Variants in RYR2 observed in about 807,000 individuals in gnomAD.
RYR2 encodes the protein ryanodine receptor 2, also known as cardiac muscle ryanodine receptor-calcium release channel.
Under a neutral mutation model 601.1 loss-of-function variants are expected in RYR2, and 227 were observed. The ratio of observed to expected loss-of-function variants is 0.38; its 90% CI spans 0.34 to 0.42. RYR2 has a LOEUF of 0.42. Ranked by LOEUF, RYR2 falls within the 10% of genes least tolerant of loss-of-function variation. RYR2 has a pLI of 1.00. For missense variants in RYR2, 4,646 were observed against 6,156.5 expected (o/e 0.75, Z 8.21); for synonymous variants, 2,223 against 2,175.1 (o/e 1.02, Z -0.61).
intron 48 of RYR2, among the ~76,000 whole-genome samples, chr1:237,643,901 A>C (rs903363365): frequency 6.6e-6 from 1 of 152,178 alleles, no homozygotes; most frequent in Non-Finnish European, 1.5e-5. Flanking sequence ...GGTGTGAGCC[A>C]CCGCATCCAG....
chr1:237,394,661 C>T (rs1195589248), intron 10 of RYR2, among the ~76,000 whole-genome samples: 1 of 152,208 alleles, frequency 6.6e-6, no homozygotes, highest in Admixed American at 6.5e-5. Flanking sequence ...ATCACCTCAA[C>T]TCAATTCTTT....
chr1:237,589,679 C>T (rs1387527913), intron 29 of RYR2, 114 bp from the exon 30 acceptor site: 15 of 914,670 alleles, frequency 1.6e-5, no homozygotes, highest in Non-Finnish European at 2.2e-5. Flanking sequence ...ACTTTTTTCA[C>T]CCTAGGGTGA....
intron 10 of RYR2, among the ~76,000 whole-genome samples, chr1:237,415,044 C>T (rs1704826141): frequency 2.0e-5 from 3 of 152,022 alleles, no homozygotes; most frequent in African/African-American, 4.8e-5. Flanking sequence ...CTACTGGTGG[C>T]ATTTAGTTGG....
chr1:237,105,041 C>T (rs1014944961), intron 1 of RYR2, among the ~76,000 whole-genome samples: 3 of 152,204 alleles, frequency 2.0e-5, no homozygotes, highest in Non-Finnish European at 4.4e-5. Flanking sequence ...TAGAACCTCA[C>T]GAATAAGGGG....
chr1:237,580,231 C>T (rs1192267402), intron 29 of RYR2, among the ~76,000 whole-genome samples: 2 of 149,206 alleles, frequency 1.3e-5, no homozygotes, highest in Non-Finnish European at 3.0e-5. Flanking sequence ...TCGCAGCTCA[C>T]TGGAACCTCC....
chr1:237,821,640 G>A (rs781436933), intron 101 of RYR2, among the ~76,000 whole-genome samples: 10 of 151,902 alleles, frequency 6.6e-5, no homozygotes, highest in South Asian at 2.1e-4. Context: ...ACAACTCCTC[G>A]CCAGCAAGGG....
intron 10 of RYR2, among the ~76,000 whole-genome samples, chr1:237,399,787 G>A (rs1480789078): frequency 6.6e-6 from 1 of 152,106 alleles, no homozygotes; most frequent in Non-Finnish European, 1.5e-5. Context: ...GAAGTGGAGT[G>A]TGTGAGACGT....
chr1:237,214,497 C>T (rs1297376783), intron 1 of RYR2, among the ~76,000 whole-genome samples: 2 of 152,066 alleles, frequency 1.3e-5, no homozygotes, highest in African/African-American at 4.8e-5. Context: ...AGGTCCCAGG[C>T]TCTTTAACAG....
chr1:237,263,597 G>A (rs1199465597), intron 1 of RYR2, among the ~76,000 whole-genome samples: 1 of 152,162 alleles, frequency 6.6e-6, no homozygotes, highest in Non-Finnish European at 1.5e-5. Context: ...AAATGCGTAG[G>A]CTCACCCTTG....
At chr1:237,724,162 C>A (rs528636127) in intron 74 of RYR2, among the ~76,000 whole-genome samples, 2 of 138,792 alleles carry the variant, frequency 1.4e-5, no homozygotes, top group South Asian at 4.6e-4. Flanking sequence ...GGAACTTTGC[C>A]ACCTAAATGT....
intron 11 of RYR2, among the ~76,000 whole-genome samples, chr1:237,422,307 T>C (rs1390596560): frequency 1.3e-5 from 2 of 152,236 alleles, no homozygotes; most frequent in Non-Finnish European, 2.9e-5. Flanking sequence ...ACAGGTAATG[T>C]ATAGTGATCA....
At chr1:237,440,305 C>T (rs1216017963) in intron 12 of RYR2, among the ~76,000 whole-genome samples, 1 of 151,954 alleles carries the variant, frequency 6.6e-6, no homozygotes, top group African/African-American at 2.4e-5. Flanking sequence ...AACTATAATT[C>T]TAAATAAAAG....
At chr1:237,643,300 T>G in intron 47 of RYR2, 27 bp from the exon 48 acceptor site, 1 of 1,606,338 alleles carries the variant, frequency 6.2e-7, no homozygotes, top group Non-Finnish European at 8.5e-7. Flanking sequence ...ACAAAGTTGT[T>G]CTAATGTTTT....
At chr1:237,055,180 C>T (rs540158640) in intron 1 of RYR2, among the ~76,000 whole-genome samples, 4 of 152,230 alleles carry the variant, frequency 2.6e-5, no homozygotes, top group East Asian at 1.9e-4. Flanking sequence ...GCGGGAAGCA[C>T]GGTGACACGT....
chr1:237,333,014 A>C (rs531850268), intron 3 of RYR2, among the ~76,000 whole-genome samples: 1 of 152,292 alleles, frequency 6.6e-6, no homozygotes, highest in South Asian at 2.1e-4. Flanking sequence ...GACATTTATT[A>C]GTTAGAATTT....
At chr1:237,676,636 A>G (rs1685423865) in intron 60 of RYR2, among the ~76,000 whole-genome samples, 1 of 152,164 alleles carries the variant, frequency 6.6e-6, no homozygotes, top group Non-Finnish European at 1.5e-5. Flanking sequence ...TTTCATTGTT[A>G]TCGCAAGTGA....
intron 44 of RYR2, among the ~76,000 whole-genome samples, chr1:237,635,895 C>T (rs897400485): frequency 6.6e-6 from 1 of 152,158 alleles, no homozygotes; most frequent in African/African-American, 2.4e-5. Context: ...ACCTGCTAGT[C>T]CAACCATCTG....
chr1:237,493,567 C>T (rs1327469125), intron 19 of RYR2, among the ~76,000 whole-genome samples: 1 of 152,176 alleles, frequency 6.6e-6, no homozygotes, highest in Non-Finnish European at 1.5e-5. Context: ...ATTGTCCTGC[C>T]TCAGCCTCCC....
intron 1 of RYR2, among the ~76,000 whole-genome samples, chr1:237,262,253 T>TTG (rs1319332907): frequency 5.7e-5 from 6 of 105,618 alleles, no homozygotes; most frequent in Admixed American, 5.1e-4. Flanking sequence ...GAGTTTTTTT[T>TTG]TTTTTTTTTT....
Sources: gnomAD v4.1 joint callset for allele counts (sites outside exome capture counted in the v4.1 genomes callset) on GRCh38, gnomAD v4.1.1 for gene constraint, MANE v1.5 for transcripts, NCBI Gene and HGNC (gene_info 2026-07-23, HGNC 2026-07-21) for gene names.